Variants in CDK5RAP2 observed in about 807,000 individuals in gnomAD.
CDK5RAP2 encodes CDK5 regulatory subunit-associated protein 2.
In CDK5RAP2, 147 loss-of-function variants were observed where a neutral mutation model predicts 232.9. The observed-to-expected ratio is 0.63, with a 90% confidence interval of 0.55 to 0.72. The LOEUF (loss-of-function observed/expected upper bound fraction) is 0.72. Among genes scored for constraint, CDK5RAP2 ranks in the 30% least tolerant of loss-of-function variants. CDK5RAP2 has a pLI of 0.00. For missense variants in CDK5RAP2, 2,195 were observed against 2,231.5 expected (o/e 0.98, Z 0.33); for synonymous variants, 833 against 833.7 (o/e 1.00, Z 0.01).
intron 13 of CDK5RAP2, among the ~76,000 whole-genome samples, chr9:120,490,228 A>G (rs2038830388): frequency 6.6e-6 from 1 of 152,238 alleles, no homozygotes; most frequent in African/African-American, 2.4e-5. Context: ...GTGGCCTCAC[A>G]GTGAGGTGCG....
rs750504083 is a variant in CDK5RAP2, at chr9:120,572,008, A to C, written c.93T>G (p.Asp31Glu). Reference sequence around the variant, plus strand: ...CCAACCCAGCATTGGGGTTGATGCCATCCAGGTCATCTGGTACACTGGGAA... The same window carrying C: ...CCAACCCAGCATTGGGGTTGATGCCCTCCAGGTCATCTGGTACACTGGGAA... ...GLVPSVPDDL[D>E]GINPNAGLGN... Residue 31 changes from aspartate (D) to glutamate (E), a missense_variant, in exon 2 of 38, where the codon GAT (aspartate) becomes GAG (glutamate). By Grantham distance (45) the Asp-to-Glu change is conservative. Transcript: ENST00000349780. The C allele has an allele frequency of 6.2e-7, 1 of 1,614,022 alleles. No homozygotes were observed. Among genetic ancestry groups the C allele is most frequent in the South Asian group, 1.1e-5 (1 of 91,078 alleles).
At chr9:120,513,291 C>G (rs577303324) in intron 12 of CDK5RAP2, among the ~76,000 whole-genome samples, 40 of 152,300 alleles carry the variant, frequency 2.6e-4, no homozygotes, top group African/African-American at 8.2e-4. Flanking sequence ...AGACATCCAT[C>G]AGACTAGTCT....
chr9:120,416,629 G>A (rs2034239055), intron 27 of CDK5RAP2, among the ~76,000 whole-genome samples: 1 of 152,214 alleles, frequency 6.6e-6, no homozygotes, highest in Non-Finnish European at 1.5e-5. Flanking sequence ...GCATGTATTT[G>A]TTCAGCCTCT....
rs543446600 is a variant in CDK5RAP2 at position 120,518,588 on chromosome 9, G to A, written c.1150C>T (p.Arg384Cys). The stretch of plus-strand genomic sequence containing the variant: ...GTACTCTTGGTGAGGTTTTGTGAGC[G>A]CAGCGCAGCCGAAAGGGCTTCCTTT... ...SGKEALSAAL[R>C]SQNLTKSTEN... The change falls in exon 12 of 38, where the codon CGC (arginine) becomes TGC (cysteine). Residue 384 changes from arginine to cysteine, a missense_variant. Physicochemically the swap from Arg to Cys is radical, Grantham distance 180 (BLOSUM62 -3). Coordinates refer to ENST00000349780, the MANE Select transcript of CDK5RAP2 (RefSeq NM_018249.6). The A allele has an allele frequency of 2.7e-5, 43 of 1,613,672 alleles. No individual in the cohort carries two copies. The highest frequency in any genetic ancestry group is 1.9e-4 in the African/African-American group (14 of 74,860).
chr9:120,430,959 G>T (rs2035251101), intron 25 of CDK5RAP2, among the ~76,000 whole-genome samples: 1 of 152,208 alleles, frequency 6.6e-6, no homozygotes, highest in African/African-American at 2.4e-5. Context: ...CATGTCCTTT[G>T]TAGGGACATG....
At chr9:120,479,001 GA>G (rs1424361286) in intron 14 of CDK5RAP2, among the ~76,000 whole-genome samples, 4 of 151,970 alleles carry the variant, frequency 2.6e-5, no homozygotes, top group African/African-American at 9.7e-5. Flanking sequence ...ACTCAAAGCT[GA>G]AAAAATTTTT....
chr9:120,521,809 C>T (rs1484975115), intron 11 of CDK5RAP2, among the ~76,000 whole-genome samples: 3 of 151,988 alleles, frequency 2.0e-5, no homozygotes, highest in African/African-American at 7.3e-5. Flanking sequence ...CCACACCTGG[C>T]TAATTTTTTG....
chr9:120,445,073 G>C (rs2036108491), intron 22 of CDK5RAP2, among the ~76,000 whole-genome samples: 1 of 152,072 alleles, frequency 6.6e-6, no homozygotes. Context: ...TCCTTCGTTG[G>C]CAAGTCCCAA....
intron 12 of CDK5RAP2, among the ~76,000 whole-genome samples, chr9:120,509,333 C>T (rs2039972146): frequency 1.3e-5 from 2 of 152,142 alleles, no homozygotes; most frequent in African/African-American, 4.8e-5. Context: ...CCAGCACCTG[C>T]CACACAATTA....
At chr9:120,461,797 C>T (rs2037104381) in intron 18 of CDK5RAP2, among the ~76,000 whole-genome samples, 1 of 152,202 alleles carries the variant, frequency 6.6e-6, no homozygotes. Flanking sequence ...GAGCCGTGAT[C>T]ACACCACTGC....
intron 29 of CDK5RAP2, 64 bp from the exon 30 acceptor site, chr9:120,409,380 A>G: frequency 1.8e-6 from 2 of 1,125,392 alleles, no homozygotes; most frequent in Non-Finnish European, 1.3e-6. Flanking sequence ...CTTATTATAT[A>G]AATACAGCAC....
At chr9:120,435,502 C>T (rs867058447) in intron 25 of CDK5RAP2, among the ~76,000 whole-genome samples, 29 of 150,508 alleles carry the variant, frequency 1.9e-4, no homozygotes, top group Admixed American at 2.0e-4. Flanking sequence ...CACACACACA[C>T]GCCTGCTAAA....
rs779043134 is a variant in CDK5RAP2 at position 120,518,622 on chromosome 9, A to G, written c.1116T>C (p.Ala372=). ...EFQGSEDYET[A]LSGKEALSAA... is the part of the protein sequence containing the mutation. ...CCGAAAGGGCTTCCTTTCCTGATAG[A>G]GCAGTCTCATAGTCTTCAGACCCCT... The change falls in exon 12 of 38, where the codon GCT becomes GCC. Residue 372 remains alanine (A), a synonymous_variant. Coordinates refer to ENST00000349780, the MANE Select transcript of CDK5RAP2 (RefSeq NM_018249.6). 1.2e-6 allele frequency: 2 copies of G among 1,613,678 alleles called. No homozygotes were observed. The highest frequency in any genetic ancestry group is 1.7e-5 in the Admixed American group (1 of 59,960).
At chr9:120,546,887 T>C (rs1309137610) in intron 4 of CDK5RAP2, among the ~76,000 whole-genome samples, 4 of 152,228 alleles carry the variant, frequency 2.6e-5, no homozygotes, top group Non-Finnish European at 5.9e-5. Context: ...TACTCCTGCT[T>C]CAGCCTCCCA....
At chr9:120,460,863 C>G (rs1382290012) in intron 18 of CDK5RAP2, 196 bp from the exon 19 acceptor site, 1 of 803,574 alleles carries the variant, frequency 1.2e-6, no homozygotes, top group East Asian at 2.8e-5. Flanking sequence ...GAATCAGACA[C>G]AGCTGCCTGG....
At chr9:120,525,586 C>A (rs2040862266) in intron 10 of CDK5RAP2, among the ~76,000 whole-genome samples, 1 of 151,892 alleles carries the variant, frequency 6.6e-6, no homozygotes, top group Non-Finnish European at 1.5e-5. Context: ...CTCGGTTGGA[C>A]CTAGAACTCC....
chr9:120,407,793 G>A (rs1888893), intron 31 of CDK5RAP2: 125,468 of 180,586 alleles, frequency 0.69, 45,240 homozygotes, highest in East Asian at 0.83. Flanking sequence ...CTCTGAGCTG[G>A]TATCTCTCCT....
intron 1 of CDK5RAP2, among the ~76,000 whole-genome samples, chr9:120,575,411 C>A (rs2042998037): frequency 6.6e-6 from 1 of 152,124 alleles, no homozygotes. Flanking sequence ...CTGAGCTCCA[C>A]CACCTCATCC....
intron 27 of CDK5RAP2, 121 bp downstream of exon 27, chr9:120,419,667 T>C: frequency 4.9e-6 from 4 of 809,974 alleles, no homozygotes. Flanking sequence ...TTGGCCCTAA[T>C]GGGATCTCCT....
Sources: gnomAD v4.1 joint callset for allele counts (sites outside exome capture counted in the v4.1 genomes callset) on GRCh38, gnomAD v4.1.1 for gene constraint, MANE v1.5 for transcripts, NCBI Gene and HGNC (gene_info 2026-07-23, HGNC 2026-07-21) for gene names.